Variants in FGF13 observed in about 807,000 individuals in gnomAD.
The protein encoded by FGF13 is fibroblast growth factor homologous factor 2.
Under a neutral mutation model 19.5 loss-of-function variants are expected in FGF13, and 2 were observed. That is an observed-to-expected ratio of 0.10 (90% CI 0.04 to 0.32). The LOEUF (loss-of-function observed/expected upper bound fraction) is 0.32. Among genes scored for constraint, FGF13 ranks in the 10% least tolerant of loss-of-function variants. The probability of loss-of-function intolerance (pLI) is 1.00; values close to 1 mark genes in which losing one functional copy is unlikely to be tolerated. For synonymous variants in FGF13, 72 were observed against 76.9 expected (o/e 0.94, Z 0.33); for missense variants, 113 against 192.7 (o/e 0.59, Z 2.45).
intron 1 of FGF13, among the ~76,000 whole-genome samples, chrX:139,002,024 G>A (rs1603114828): frequency 9.0e-6 from 1 of 111,627 alleles, no homozygotes; most frequent in Non-Finnish European, 1.9e-5. Flanking sequence ...AAAAGGATGA[G>A]TTCATGTCCT....
chrX:138,982,036 TA>T (rs750422224), intron 1 of FGF13, among the ~76,000 whole-genome samples: 24 of 111,746 alleles, frequency 2.1e-4, no homozygotes, highest in Admixed American at 3.8e-4. Context: ...GATAGAAGTA[TA>T]ACTAACAGCG....
intron 3 of FGF13, among the ~76,000 whole-genome samples, chrX:138,675,496 CAAT>C (rs1480683251): frequency 1.8e-5 from 2 of 111,018 alleles, no homozygotes; most frequent in Admixed American, 9.6e-5. Context: ...ATATTACATG[CAAT>C]AATAATTCTG....
intron 3 of FGF13, among the ~76,000 whole-genome samples, chrX:138,815,484 G>A (rs926224129): frequency 8.2e-5 from 9 of 109,969 alleles, no homozygotes; most frequent in African/African-American, 2.6e-4. Context: ...AAAAAGCTGC[G>A]GGAAAAAATG....
chrX:138,898,503 C>T (rs1443240072), intron 1 of FGF13, among the ~76,000 whole-genome samples: 3 of 111,993 alleles, frequency 2.7e-5, no homozygotes, highest in Non-Finnish European at 3.8e-5. Context: ...AGGCCCAGCA[C>T]CCACTTTATG....
At chrX:138,992,315 C>T (rs772221392) in intron 1 of FGF13, among the ~76,000 whole-genome samples, 1 of 111,362 alleles carries the variant, frequency 9.0e-6, no homozygotes, top group Non-Finnish European at 1.9e-5. Flanking sequence ...TTTTATAGTG[C>T]AATTGTTTTA....
chrX:138,727,585 AT>A (rs2090195115), intron 1 of FGF13, among the ~76,000 whole-genome samples: 1 of 111,745 alleles, frequency 8.9e-6, no homozygotes, highest in South Asian at 3.7e-4. Flanking sequence ...AATCCACCCT[AT>A]TTAATTATAT....
chrX:138,723,916 A>G (rs1188730939), intron 1 of FGF13, among the ~76,000 whole-genome samples: 1 of 111,422 alleles, frequency 9.0e-6, no homozygotes, highest in Non-Finnish European at 1.9e-5. Context: ...CAACACTCCT[A>G]TGAGGTAGGG....
intron 3 of FGF13, among the ~76,000 whole-genome samples, chrX:138,747,021 A>T (rs968875600): frequency 4.5e-5 from 5 of 111,628 alleles, no homozygotes; most frequent in African/African-American, 1.6e-4. Flanking sequence ...AAGCTCCCTG[A>T]TAGAGTTAGG....
At chrX:138,904,943 G>A (rs937079099) in intron 1 of FGF13, among the ~76,000 whole-genome samples, 23 of 112,038 alleles carry the variant, frequency 2.1e-4, no homozygotes, top group East Asian at 5.6e-4. Flanking sequence ...AGATTTAGTC[G>A]TTACCTGCAA....
intron 1 of FGF13, among the ~76,000 whole-genome samples, chrX:139,028,688 A>AGTGT (rs781223523): frequency 0.22 from 17,612 of 80,279 alleles, 1,610 homozygotes; most frequent in South Asian, 0.41. Context: ...TGTGAAAGAC[A>AGTGT]GTGTGTGTGT....
chrX:138,713,173 A>G (rs1011083200), upstream of FGF13, among the ~76,000 whole-genome samples: 3 of 112,492 alleles, frequency 2.7e-5, no homozygotes, highest in African/African-American at 9.7e-5. Flanking sequence ...GGCTTTCCCA[A>G]ATGAAAAGGG....
At chrX:138,903,331 T>C (rs1056738607) in intron 1 of FGF13, among the ~76,000 whole-genome samples, 4 of 111,696 alleles carry the variant, frequency 3.6e-5, no homozygotes, top group Non-Finnish European at 7.5e-5. Context: ...TACAACTGTT[T>C]AACAGGGCAT....
intron 1 of FGF13, among the ~76,000 whole-genome samples, chrX:138,921,841 C>T (rs779305974): frequency 9.2e-6 from 1 of 109,245 alleles, no homozygotes; most frequent in East Asian, 2.9e-4. Flanking sequence ...GTGCTAGGCA[C>T]TGCAGGGAGA....
At chrX:138,974,967 T>G (rs187094657) in intron 1 of FGF13, among the ~76,000 whole-genome samples, 8 of 112,451 alleles carry the variant, frequency 7.1e-5, no homozygotes, top group African/African-American at 2.3e-4. Flanking sequence ...AGGATTTCAA[T>G]TTCTTTTGTG....
chrX:138,794,717 C>T (rs909931526), intron 3 of FGF13, among the ~76,000 whole-genome samples: 2 of 111,635 alleles, frequency 1.8e-5, no homozygotes, highest in Admixed American at 9.5e-5. Context: ...TTGTTTTGAA[C>T]TATTCTCTAG....
At chrX:138,709,503 C>A (rs1482744600) in intron 1 of FGF13, among the ~76,000 whole-genome samples, 15 of 111,652 alleles carry the variant, frequency 1.3e-4, no homozygotes, top group Non-Finnish European at 2.8e-4. Context: ...GATACAACCA[C>A]CATTAACAAA....
intron 3 of FGF13, among the ~76,000 whole-genome samples, chrX:138,759,281 C>T (rs935416892): frequency 8.9e-6 from 1 of 112,267 alleles, no homozygotes; most frequent in Non-Finnish European, 1.9e-5. Flanking sequence ...ATACACCAAG[C>T]GAATATTGAT....
chrX:138,709,555 A>G (rs1278354685), intron 1 of FGF13, among the ~76,000 whole-genome samples: 1 of 112,235 alleles, frequency 8.9e-6, no homozygotes. Context: ...GTGTGTGAAA[A>G]GAGCAGGGTT....
At chrX:138,744,506 C>T (rs1569381397) in intron 3 of FGF13, among the ~76,000 whole-genome samples, 1 of 111,544 alleles carries the variant, frequency 9.0e-6, no homozygotes, top group Non-Finnish European at 1.9e-5. Flanking sequence ...CGTGGCATTT[C>T]GTAAGCAGTC....
Sources: allele counts gnomAD v4.1 joint callset (sites outside exome capture counted in the v4.1 genomes callset), GRCh38; gene constraint gnomAD v4.1.1; transcripts MANE v1.5; gene names NCBI Gene and HGNC (gene_info 2026-07-23, HGNC 2026-07-21).